CREBBP: variants seen among roughly 807,000 people sequenced by gnomAD.
CREBBP encodes the protein CREB-binding protein.
CREBBP carries 19 observed loss-of-function variants against 265.0 expected under a neutral mutation model. The observed-to-expected ratio is 0.07, with a 90% CI of 0.05 to 0.11. The LOEUF (loss-of-function observed/expected upper bound fraction) is 0.11. Ranked by LOEUF, CREBBP falls within the 10% of genes least tolerant of loss-of-function variation. The probability of loss-of-function intolerance (pLI) is 1.00; values close to 1 mark genes in which losing one functional copy is unlikely to be tolerated. For missense variants in CREBBP, 2,525 were observed against 3,219.0 expected, an observed-to-expected ratio of 0.78 and a Z score of 5.22; for synonymous variants, 1,457 against 1,223.7, an observed-to-expected ratio of 1.19 and a Z score of -3.98.
At chr16:3,849,237 C>T (rs2054732522) in intron 2 of CREBBP, among the ~76,000 whole-genome samples, 1 of 152,120 alleles carries the variant, frequency 6.6e-6, no homozygotes. Context: ...TCCTGTCAGT[C>T]CTGGGCTTTT....
chr16:3,799,336 T>G (rs1369401674), intron 3 of CREBBP, among the ~76,000 whole-genome samples: 3 of 152,198 alleles, frequency 2.0e-5, no homozygotes, highest in African/African-American at 7.2e-5. Flanking sequence ...AAAAGCTGTT[T>G]TTAAAAAGTT....
At chr16:3,777,970 G>C (rs1567305490) in intron 10 of CREBBP, 41 bp downstream of exon 10, 5 of 1,606,228 alleles carry the variant, frequency 3.1e-6, no homozygotes, top group Non-Finnish European at 4.3e-6. Context: ...GAAAACCAAG[G>C]AAACAGGCTA....
Position 3,728,252 on chromosome 16 carries a change from C to A in CREBBP, c.6795G>T (p.Ala2265=). The stretch of plus-strand genomic sequence containing the variant: ...TCTGGCCAAGCTGTCCCATCTGAGC[C>A]GCCATCTGGCCCATGGAGCTGCCCT... The part of the protein sequence containing the change: ...PLQGSSMGQM[A]AQMGQLGQMG... The change falls in exon 31 of 31, where the codon GCG becomes GCT. Residue 2265 remains alanine, a synonymous_variant. Coordinates refer to ENST00000262367, the MANE Select transcript of CREBBP (RefSeq NM_004380.3). The surrounding 1 kb of genome is among the most constrained non-coding windows in gnomAD (Gnocchi z 8.7). 1 of 1,612,802 alleles carries A rather than the reference C, an allele frequency of 6.2e-7. No individual in the cohort carries two copies. Among genetic ancestry groups the A allele is most frequent in the Non-Finnish European group, 8.5e-7 (1 of 1,179,804 alleles).
chr16:3,813,921 C>T (rs1201717723), intron 2 of CREBBP, among the ~76,000 whole-genome samples: 1 of 152,218 alleles, frequency 6.6e-6, no homozygotes, highest in South Asian at 2.1e-4. Flanking sequence ...TAACCATCTT[C>T]CTTCCACACC....
At chr16:3,809,058 AAAG>A (rs1334411174) in intron 3 of CREBBP, among the ~76,000 whole-genome samples, 1 of 152,330 alleles carries the variant, frequency 6.6e-6, no homozygotes, top group African/African-American at 2.4e-5. Flanking sequence ...AAGTTATTGG[AAAG>A]AAAGAAGCAT....
chr16:3,840,734 A>G (rs980456372), intron 2 of CREBBP: 1 of 155,110 alleles, frequency 6.4e-6, no homozygotes, highest in South Asian at 1.9e-4. Context: ...TACGGGAGCA[A>G]TGATCCTCAG....
At chr16:3,778,572 G>C in intron 9 of CREBBP, 128 bp downstream of exon 9, 1 of 831,512 alleles carries the variant, frequency 1.2e-6, no homozygotes, top group Non-Finnish European at 2.1e-6. Flanking sequence ...TCCTTGGTCA[G>C]TGGCCTCAAG....
Position 3,778,177 on chromosome 16 carries a change from T to C in CREBBP, c.1947A>G (p.Glu649=), listed in dbSNP as rs771650171. 1.2e-6 allele frequency: 2 copies of C among 1,601,722 alleles called. No homozygotes were observed. The highest frequency in any genetic ancestry group is 1.7e-5 in the Admixed American group (1 of 59,988). The part of the protein sequence containing the change: ...DMYESANSRD[E]YYHLLAEKIY... ...TTTTCTCTGCTAATAAGTGATAATA[T>C]TCATCCTAAAAAGCAATAATATTCA... Residue 649 remains glutamate (E), a synonymous_variant, in exon 10 of 31, where the codon GAA becomes GAG. Coordinates refer to ENST00000262367, the MANE Select transcript of CREBBP (RefSeq NM_004380.3).
intron 1 of CREBBP, among the ~76,000 whole-genome samples, chr16:3,871,063 A>C (rs2055284305): frequency 6.7e-6 from 1 of 150,352 alleles, no homozygotes. Context: ...GAAAAAAAGA[A>C]GGAAGGAAGG....
At chr16:3,837,721 G>A (rs903422247) in intron 2 of CREBBP, among the ~76,000 whole-genome samples, 7 of 151,848 alleles carry the variant, frequency 4.6e-5, no homozygotes, top group African/African-American at 1.7e-4. Flanking sequence ...AATGTGTTTA[G>A]TGTTTTAAGC....
At chr16:3,730,599 A>C (rs897340562) in intron 30 of CREBBP, 4 of 159,968 alleles carry the variant, frequency 2.5e-5, no homozygotes, top group African/African-American at 9.6e-5. Context: ...AAGCGGAAGA[A>C]GTGTGTGAAG....
At position 3,850,987 on chromosome 16, in the gene CREBBP, C is replaced by T; in HGVS notation, c.108G>A (p.Leu36=). The T allele has an allele frequency of 6.2e-7, 1 of 1,614,026 alleles. No individual in the cohort carries two copies. The highest frequency in any genetic ancestry group is 8.5e-7 in the Non-Finnish European group (1 of 1,179,976). The change falls in exon 2 of 31, where the codon TTG becomes TTA. Residue 36 remains leucine, a synonymous_variant. Transcript: ENST00000262367. The part of the protein sequence containing the change: ...DSTDFGSLFD[L]ENDLPDELIP... The stretch of plus-strand genomic sequence containing the variant: ...TCAGCTCATCAGGAAGATCATTTTC[C>T]AAGTCAAACAATGATCCAAAATCTA...
At chr16:3,764,902 G>C (rs2052810025) in intron 16 of CREBBP, among the ~76,000 whole-genome samples, 1 of 152,022 alleles carries the variant, frequency 6.6e-6, no homozygotes, top group Admixed American at 6.5e-5. Context: ...TTCTTGATGA[G>C]ATAGTAAAAA....
chr16:3,849,439 GTGTGTGTGTGTGTGT>G (rs1567360430), intron 2 of CREBBP, among the ~76,000 whole-genome samples: 504 of 17,192 alleles, frequency 0.029, 35 homozygotes, highest in Non-Finnish European at 0.079. Flanking sequence ...GTGTGTGTGT[GTGTGTGTGTGTGTGT>G]GTGTGTGTGT....
At chr16:3,852,970 A>T (rs2054884547) in intron 1 of CREBBP, among the ~76,000 whole-genome samples, 1 of 151,664 alleles carries the variant, frequency 6.6e-6, no homozygotes, top group Admixed American at 6.6e-5. Flanking sequence ...AGCATCCAAA[A>T]AAAAAAAAAA....
chr16:3,835,957 C>T (rs1234066883), intron 2 of CREBBP, among the ~76,000 whole-genome samples: 2 of 151,936 alleles, frequency 1.3e-5, no homozygotes, highest in African/African-American at 4.8e-5. Context: ...GCAAATTATG[C>T]TCTAGTCACA....
At chr16:3,807,440 A>G (rs998941812) in intron 3 of CREBBP, among the ~76,000 whole-genome samples, 2 of 152,208 alleles carry the variant, frequency 1.3e-5, no homozygotes, top group African/African-American at 4.8e-5. Flanking sequence ...AAATAGACCT[A>G]GATTTCTTTG....
rs71133657 is a variant in CREBBP, at chr16:3,802,114, ATTTTTTTTTTTTTTTTTT to A, written c.975+8471_975+8488del. On this transcript the variant is annotated intron_variant, in intron 3 of 30. Transcript: ENST00000262367. The stretch of plus-strand genomic sequence containing the variant: ...TTTATATTTACTCTGGTATTCCTTA[ATTTTTTTTTTTTTTTTTT>A]TTTTTTTTTTTTTTTTTGTGACAGA... Among the ~76,000 whole-genome samples the A allele has an allele frequency of 3.0e-4, 15 of 50,590 alleles. No homozygotes were observed. The East Asian group carries it at 3.7e-3, about 13-fold the overall frequency. The allele number at this position is 50,590 out of a possible 152,430, so 33.2% of individuals were successfully genotyped here. A position where few individuals can be genotyped will look rare whatever the true frequency, so the allele number is the denominator to read the frequency against.
At position 3,857,439 on chromosome 16, in the gene CREBBP, TCAC is replaced by T. The variant is rs140829339; in HGVS notation, c.86-6433_86-6431del. ...ACCATCACCCTTCTGTTTACCACTG[TCAC>T]CACATTTCCATATTCCCTAGTTCAG... is the stretch of plus-strand genomic sequence containing the variant. On this transcript the variant is annotated intron_variant, in intron 1 of 30. Transcript: ENST00000262367. Among the ~76,000 whole-genome samples the T allele has an allele frequency of 7.7e-4, 117 of 152,330 alleles. 1 individual carries two copies. The highest frequency in any genetic ancestry group is 2.7e-3 in the African/African-American group (111 of 41,560).
Sources: allele counts gnomAD v4.1 joint callset (sites outside exome capture counted in the v4.1 genomes callset), GRCh38; gene constraint gnomAD v4.1.1; non-coding constraint Gnocchi (gnomAD v3.1); transcripts MANE v1.5; gene names NCBI Gene and HGNC (gene_info 2026-07-23, HGNC 2026-07-21).